Variants in GABRA4 observed in about 807,000 individuals in gnomAD.
GABRA4 encodes gamma-aminobutyric acid type A receptor subunit alpha4, also known as gamma-aminobutyric acid receptor subunit alpha-4.
Under a neutral mutation model 49.7 loss-of-function variants are expected in GABRA4, and 12 were observed. The observed-to-expected ratio is 0.24, with a 90% CI of 0.15 to 0.39. GABRA4 has a LOEUF of 0.39. GABRA4 is among the 10% of genes least tolerant of loss of function. The pLI, the probability that GABRA4 is intolerant of heterozygous loss-of-function variation, is 1.00. For missense variants in GABRA4, 506 were observed against 686.0 expected (o/e 0.74, Z 2.93); for synonymous variants, 288 against 240.2 (o/e 1.20, Z -1.84).
Position 46,957,703 on chromosome 4 carries a change from C to G in GABRA4, c.1134+7267G>C, listed in dbSNP as rs114621995. Among the ~76,000 whole-genome samples, 254 of 151,968 alleles carry G rather than the reference C, an allele frequency of 1.7e-3. 2 individuals are homozygous for G. Among genetic ancestry groups the G allele is most frequent in the Middle Eastern group, 6.8e-3 (2 of 294 alleles). On this transcript the variant is annotated intron_variant, in intron 8 of 8. Coordinates refer to ENST00000264318, the MANE Select transcript of GABRA4 (RefSeq NM_000809.4). ...CTATCTCAGCCTCCATTTCCCTCACCCAATATATCCAATCAGTCATTAAGT... is the reference window on the plus strand; with the variant it reads ...CTATCTCAGCCTCCATTTCCCTCACGCAATATATCCAATCAGTCATTAAGT...
At chr4:46,953,438 T>C (rs1448762232) in intron 8 of GABRA4, among the ~76,000 whole-genome samples, 3 of 152,154 alleles carry the variant, frequency 2.0e-5, no homozygotes, top group Non-Finnish European at 4.4e-5. Context: ...ACAACAGATG[T>C]TGTAAATAAG....
At position 46,928,000 on chromosome 4, in the gene GABRA4, C is replaced by CAT; in HGVS notation, c.*224_*225insAT. On this transcript the variant is annotated 3_prime_UTR_variant, in exon 9 of 9. Transcript: ENST00000264318. ...CTTTCCAGGATGGTGTGTATTCTATCTAACTGAATGCTGAGTTCTTTTAAA... is the reference window on the plus strand; with the variant it reads ...CTTTCCAGGATGGTGTGTATTCTATCATTAACTGAATGCTGAGTTCTTTTAAA... The CAT allele has an allele frequency of 2.3e-6, 1 of 425,986 alleles. No homozygotes were observed. The highest frequency in any genetic ancestry group is 4.2e-6 in the Non-Finnish European group (1 of 239,348). 26.4% of individuals were successfully genotyped at this position (425,986 alleles called of 1,614,324 possible).
chr4:46,988,805 C>T (rs1723634414), intron 2 of GABRA4, among the ~76,000 whole-genome samples: 1 of 152,074 alleles, frequency 6.6e-6, no homozygotes. Context: ...AAGAGTGCCT[C>T]GGAAGTGGAT....
chr4:46,936,307 T>C (rs556798072), intron 8 of GABRA4, among the ~76,000 whole-genome samples: 1 of 152,272 alleles, frequency 6.6e-6, no homozygotes, highest in East Asian at 1.9e-4. Flanking sequence ...TGGAGTGCAA[T>C]GGCGTAATCT....
At chr4:46,930,978 T>G (rs1340113009) in intron 8 of GABRA4, among the ~76,000 whole-genome samples, 2 of 151,382 alleles carry the variant, frequency 1.3e-5, no homozygotes, top group African/African-American at 4.9e-5. Flanking sequence ...GCAGGCTTCC[T>G]GAACTGAAGA....
chr4:46,979,549 G>A (rs1373350669), intron 2 of GABRA4, among the ~76,000 whole-genome samples: 3 of 152,082 alleles, frequency 2.0e-5, no homozygotes, highest in Admixed American at 6.6e-5. Context: ...GAGGATACTA[G>A]TAAATAATTT....
chr4:46,958,607 C>T (rs1265301533), intron 8 of GABRA4, among the ~76,000 whole-genome samples: 2 of 151,888 alleles, frequency 1.3e-5, no homozygotes, highest in Admixed American at 1.3e-4. Flanking sequence ...GGGACAAATG[C>T]AGCATCAAGG....
intron 6 of GABRA4, among the ~76,000 whole-genome samples, chr4:46,973,463 A>G (rs999916934): frequency 2.0e-5 from 3 of 151,786 alleles, no homozygotes; most frequent in African/African-American, 7.3e-5. Context: ...ACTGCACCTC[A>G]TCTTAGACTT....
intron 4 of GABRA4, 70 bp downstream of exon 4, chr4:46,977,340 G>T: frequency 1.1e-6 from 1 of 893,406 alleles, no homozygotes; most frequent in Non-Finnish European, 1.7e-6. Flanking sequence ...AAGGAAGGAA[G>T]GAAGGAAGAA....
chr4:46,991,879 A>G (rs1723758512), intron 2 of GABRA4, among the ~76,000 whole-genome samples: 1 of 152,182 alleles, frequency 6.6e-6, no homozygotes, highest in African/African-American at 2.4e-5. Flanking sequence ...TACCACTTGA[A>G]TGTAAGCTCC....
chr4:46,934,699 G>T (rs1721549156), intron 8 of GABRA4, among the ~76,000 whole-genome samples: 1 of 152,090 alleles, frequency 6.6e-6, no homozygotes. Context: ...AGAGTTGAGG[G>T]TTTAAAACAT....
At chr4:46,933,349 T>C (rs1173232427) in intron 8 of GABRA4, among the ~76,000 whole-genome samples, 1 of 152,174 alleles carries the variant, frequency 6.6e-6, no homozygotes, top group African/African-American at 2.4e-5. Flanking sequence ...TATTTCTTTT[T>C]CTATGGGACA....
chr4:46,926,384 G>A lies in GABRA4; in HGVS notation c.*1841C>T, dbSNP rs889065314. ...TGGGGGGTTGGGACTGGGTGATTTC[G>A]ACAGTATCTTTCAGCCTTAAAATGT... On this transcript the variant is annotated 3_prime_UTR_variant, in exon 9 of 9. Coordinates refer to ENST00000264318, the MANE Select transcript of GABRA4 (RefSeq NM_000809.4). The A allele has an allele frequency of 3.3e-5, 5 of 151,682 alleles. No homozygotes were observed. The highest frequency in any genetic ancestry group is 7.3e-5 in the African/African-American group (3 of 41,344). 9.4% of individuals were successfully genotyped at this position (151,682 alleles called of 1,614,324 possible).
intron 8 of GABRA4, among the ~76,000 whole-genome samples, chr4:46,963,799 C>T (rs1213960691): frequency 6.6e-6 from 1 of 151,618 alleles, no homozygotes; most frequent in Admixed American, 6.6e-5. Context: ...AAAAGGCAGG[C>T]AATAGCAAAC....
chr4:46,962,298 T>G (rs935470799), intron 8 of GABRA4, among the ~76,000 whole-genome samples: 2 of 151,840 alleles, frequency 1.3e-5, no homozygotes, highest in African/African-American at 2.4e-5. Context: ...ATCAGTAGCA[T>G]TTTTGTATGT....
At chr4:46,973,121 T>A (rs1413407372) in intron 6 of GABRA4, among the ~76,000 whole-genome samples, 1 of 151,684 alleles carries the variant, frequency 6.6e-6, no homozygotes, top group East Asian at 1.9e-4. Flanking sequence ...CATGGGATGG[T>A]TATGAGAAAA....
intron 8 of GABRA4, among the ~76,000 whole-genome samples, chr4:46,960,611 A>G (rs1397801377): frequency 6.6e-6 from 1 of 151,742 alleles, no homozygotes; most frequent in Non-Finnish European, 1.5e-5. Context: ...TGAAAATATT[A>G]TCTCCAAATA....
In GABRA4 at chr4:46,926,320, G is replaced by T. The variant is rs1371656323; in HGVS notation, c.*1905C>A. Reference sequence around the variant, plus strand: ...TTATTAAATATATACATATATACAGGTGTTACTGGACCTAATTTTACTAGA... The same window carrying T: ...TTATTAAATATATACATATATACAGTTGTTACTGGACCTAATTTTACTAGA... On this transcript the variant is annotated 3_prime_UTR_variant, in exon 9 of 9. Coordinates refer to ENST00000264318, the MANE Select transcript of GABRA4 (RefSeq NM_000809.4). 7 of 151,746 alleles carry T rather than the reference G, an allele frequency of 4.6e-5. No individual in the cohort carries two copies. Among genetic ancestry groups the T allele is most frequent in the Non-Finnish European group, 1.0e-4 (7 of 67,858 alleles). 9.4% of individuals were successfully genotyped at this position (151,746 alleles called of 1,614,324 possible). A position where few individuals can be genotyped will look rare whatever the true frequency, so the allele number is the denominator to read the frequency against.
chr4:46,929,413 G>A (rs1039398313), intron 8 of GABRA4, among the ~76,000 whole-genome samples: 5 of 151,844 alleles, frequency 3.3e-5, no homozygotes, highest in African/African-American at 1.2e-4. Context: ...ATTAGAAAAA[G>A]GTTGTATTAG....
Sources: gnomAD v4.1 joint callset for allele counts (sites outside exome capture counted in the v4.1 genomes callset) on GRCh38, gnomAD v4.1.1 for gene constraint, MANE v1.5 for transcripts, NCBI Gene and HGNC (gene_info 2026-07-23, HGNC 2026-07-21) for gene names.